The following MAGI2 variants were observed in gnomAD, a reference collection of about 807,000 sequenced individuals.
MAGI2 encodes membrane associated guanylate kinase, WW and PDZ domain containing 2, also known as membrane-associated guanylate kinase, WW and PDZ domain-containing protein 2.
In MAGI2, 35 loss-of-function variants were observed where a neutral mutation model predicts 133.3. That is an observed-to-expected ratio of 0.26 (90% CI 0.20 to 0.35). The LOEUF is 0.35. Among genes scored for constraint, MAGI2 ranks in the 10% least tolerant of loss-of-function variants. The pLI is 1.00. For synonymous variants in MAGI2, 729 were observed against 710.6 expected, an observed-to-expected ratio of 1.03 and a Z score of -0.41; for missense variants, 1,636 against 1,863.4, an observed-to-expected ratio of 0.88 and a Z score of 2.25.
At chr7:78,237,675 C>T (rs1790694393) in intron 10 of MAGI2, among the ~76,000 whole-genome samples, 1 of 151,844 alleles carries the variant, frequency 6.6e-6, no homozygotes, top group Non-Finnish European at 1.5e-5. Context: ...TTTCTCAGTG[C>T]ATGGAATTTT....
intron 6 of MAGI2, among the ~76,000 whole-genome samples, chr7:78,376,226 C>G (rs73138639): frequency 0.054 from 8,142 of 152,000 alleles, 295 homozygotes; most frequent in Middle Eastern, 0.12. Flanking sequence ...ACAACTAAAC[C>G]AAAACCAAAG....
intron 1 of MAGI2, among the ~76,000 whole-genome samples, chr7:79,374,096 C>T (rs55637636): frequency 0.15 from 22,078 of 151,962 alleles, 1,714 homozygotes; most frequent in South Asian, 0.25. Context: ...AACACACCTA[C>T]ATACCAAACA....
At chr7:78,224,901 C>A (rs748916417) in intron 10 of MAGI2, among the ~76,000 whole-genome samples, 1 of 152,082 alleles carries the variant, frequency 6.6e-6, no homozygotes, top group Non-Finnish European at 1.5e-5. Context: ...GGCATTCCTC[C>A]ATGTTCTCAG....
intron 5 of MAGI2, among the ~76,000 whole-genome samples, chr7:78,499,058 C>CAACAACAA (rs541419679): frequency 4.7e-5 from 2 of 42,736 alleles, no homozygotes; most frequent in Admixed American, 2.0e-4. Context: ...CAAACTCAAA[C>CAACAACAA]AACAACAACA....
intron 1 of MAGI2, among the ~76,000 whole-genome samples, chr7:79,368,736 T>C (rs2129131047): frequency 6.7e-6 from 1 of 148,836 alleles, no homozygotes; most frequent in East Asian, 2.0e-4. Flanking sequence ...TAGTCCCAGC[T>C]ACTTGGGAGG....
At chr7:79,099,984 A>G (rs1289483811) in intron 1 of MAGI2, among the ~76,000 whole-genome samples, 1 of 152,208 alleles carries the variant, frequency 6.6e-6, no homozygotes, top group Non-Finnish European at 1.5e-5. Context: ...TTCTCTTTGC[A>G]TATATGTGTG....
intron 1 of MAGI2, among the ~76,000 whole-genome samples, chr7:79,237,594 G>T (rs1832039237): frequency 6.6e-6 from 1 of 152,132 alleles, no homozygotes; most frequent in South Asian, 2.1e-4. Flanking sequence ...TTTCTCTCTA[G>T]GTATCTCCCT....
At chr7:78,701,396 T>G (rs1818055110) in intron 2 of MAGI2, among the ~76,000 whole-genome samples, 1 of 151,856 alleles carries the variant, frequency 6.6e-6, no homozygotes, top group Non-Finnish European at 1.5e-5. Context: ...GGAAAGGAAA[T>G]GCAGATCATA....
At chr7:78,288,106 C>A (rs577252821) in intron 9 of MAGI2, among the ~76,000 whole-genome samples, 1 of 152,080 alleles carries the variant, frequency 6.6e-6, no homozygotes, top group East Asian at 1.9e-4. Context: ...TTATTTCAAA[C>A]GCATGAGATC....
chr7:78,106,628 A>T (rs1473212931), intron 20 of MAGI2, among the ~76,000 whole-genome samples: 3 of 152,038 alleles, frequency 2.0e-5, no homozygotes, highest in Non-Finnish European at 4.4e-5. Context: ...CATTTTTTTC[A>T]TATACCTGTT....
At chr7:78,022,593 G>T (rs1808504432) in intron 21 of MAGI2, among the ~76,000 whole-genome samples, 1 of 152,206 alleles carries the variant, frequency 6.6e-6, no homozygotes, top group Admixed American at 6.5e-5. Context: ...TATGTGAAAT[G>T]GGCAAGAACA....
chr7:79,322,862 G>C (rs1431767508), intron 1 of MAGI2, among the ~76,000 whole-genome samples: 1 of 152,010 alleles, frequency 6.6e-6, no homozygotes, highest in Non-Finnish European at 1.5e-5. Context: ...ACTTAAAATT[G>C]TGCATTAAGT....
chr7:78,357,431 C>T (rs1355143285), intron 7 of MAGI2, among the ~76,000 whole-genome samples: 1 of 151,954 alleles, frequency 6.6e-6, no homozygotes, highest in East Asian at 1.9e-4. Flanking sequence ...AGGTCAGTGC[C>T]CCAAAATAAA....
rs183096433 is a variant in MAGI2, at chr7:78,550,916, T to C, written c.539-29271A>G. Among the ~76,000 whole-genome samples the C allele has an allele frequency of 6.6e-4, 100 of 152,312 alleles. 1 individual carries two copies. Among genetic ancestry groups the C allele is most frequent in the Middle Eastern group, 6.8e-3 (2 of 294 alleles). ...TTCTTCTAAGCATGCATTTAGTGTG[T>C]CTCTTTGTATCTTCTTTTAAAATTG... is the stretch of plus-strand genomic sequence containing the variant. On this transcript the variant is annotated intron_variant, in intron 3 of 21. Transcript: ENST00000354212.
intron 1 of MAGI2, among the ~76,000 whole-genome samples, chr7:79,216,884 T>C (rs1830071159): frequency 6.6e-6 from 1 of 152,070 alleles, no homozygotes; most frequent in Admixed American, 6.5e-5. Context: ...AGATAAACAA[T>C]GGCAGGAATA....
intron 2 of MAGI2, chr7:78,940,429 G>A (rs1044668109): frequency 6.6e-6 from 1 of 152,208 alleles, no homozygotes; most frequent in African/African-American, 2.4e-5. Context: ...TTTAGAGATT[G>A]AGTGATTTAT....
intron 3 of MAGI2, among the ~76,000 whole-genome samples, chr7:78,607,223 T>C (rs1805910672): frequency 6.6e-6 from 1 of 152,174 alleles, no homozygotes. Context: ...AGAGAAAACA[T>C]CACTCTGATT....
At chr7:79,270,556 G>A (rs559359619) in intron 1 of MAGI2, among the ~76,000 whole-genome samples, 11 of 152,148 alleles carry the variant, frequency 7.2e-5, no homozygotes, top group African/African-American at 2.6e-4. Flanking sequence ...GCAAGATAGG[G>A]GATACAAAGA....
chr7:78,547,661 A>G (rs1798969970), intron 3 of MAGI2, among the ~76,000 whole-genome samples: 1 of 152,214 alleles, frequency 6.6e-6, no homozygotes, highest in African/African-American at 2.4e-5. Flanking sequence ...GCGCGCACAC[A>G]CACACTCACT....
Sources: allele counts gnomAD v4.1 joint callset (sites outside exome capture counted in the v4.1 genomes callset), GRCh38; gene constraint gnomAD v4.1.1; transcripts MANE v1.5; gene names NCBI Gene and HGNC (gene_info 2026-07-23, HGNC 2026-07-21).